The following CREB5 variants were observed in gnomAD, a reference collection of about 807,000 sequenced individuals.
The protein encoded by CREB5 is cAMP responsive element binding protein 5.
In CREB5, 19 loss-of-function variants were observed where a neutral mutation model predicts 57.1. The observed-to-expected ratio is 0.33, with a 90% CI of 0.23 to 0.49. CREB5 has a LOEUF of 0.49. CREB5 is among the 20% of genes least tolerant of loss of function. The pLI is 0.99. For missense variants in CREB5, 579 were observed against 671.6 expected (o/e 0.86, Z 1.52); for synonymous variants, 238 against 238.3 (o/e 1.00, Z 0.01).
At chr7:28,704,557 C>T (rs894295199) in intron 5 of CREB5, among the ~76,000 whole-genome samples, 2 of 152,022 alleles carry the variant, frequency 1.3e-5, no homozygotes, top group East Asian at 1.9e-4. Flanking sequence ...CTCCTGGGCT[C>T]AAGTGATCCT....
At chr7:28,413,686 A>G (rs2128004453) in intron 1 of CREB5, among the ~76,000 whole-genome samples, 1 of 152,280 alleles carries the variant, frequency 6.6e-6, no homozygotes, top group Middle Eastern at 3.4e-3. Context: ...GTTTATTAGA[A>G]CATTCCAACA....
intron 1 of CREB5, among the ~76,000 whole-genome samples, chr7:28,330,400 A>AC (rs202134219): frequency 0.037 from 2,384 of 64,718 alleles, 86 homozygotes; most frequent in African/African-American, 0.13. Flanking sequence ...AGAGAACCTT[A>AC]CTTTTTTTTT....
At chr7:28,390,288 A>G (rs924878332) in intron 1 of CREB5, among the ~76,000 whole-genome samples, 1 of 152,194 alleles carries the variant, frequency 6.6e-6, no homozygotes, top group Non-Finnish European at 1.5e-5. Context: ...TCATGTAGAT[A>G]GTGTTTTATT....
At chr7:28,526,740 C>T (rs1445010652) in intron 4 of CREB5, among the ~76,000 whole-genome samples, 1 of 152,216 alleles carries the variant, frequency 6.6e-6, no homozygotes, top group Non-Finnish European at 1.5e-5. Context: ...GCCGACTGTG[C>T]ACAAAAGAGG....
At chr7:28,513,984 A>C (rs528510950) in intron 4 of CREB5, 1 of 152,272 alleles carries the variant, frequency 6.6e-6, no homozygotes, top group South Asian at 2.1e-4. Flanking sequence ...TGTCTTGCAA[A>C]GAGTGGACAC....
chr7:28,599,034 A>G (rs1796806456), intron 5 of CREB5, among the ~76,000 whole-genome samples: 1 of 152,166 alleles, frequency 6.6e-6, no homozygotes, highest in Admixed American at 6.5e-5. Flanking sequence ...GATTTCAGCA[A>G]AAAAATGTTC....
At chr7:28,790,457 AG>A (rs1562642986) in intron 7 of CREB5, among the ~76,000 whole-genome samples, 6 of 35,762 alleles carry the variant, frequency 1.7e-4, no homozygotes, top group African/African-American at 2.8e-4. Flanking sequence ...AGAGAGAGAG[AG>A]AGATAGAGAG....
intron 5 of CREB5, among the ~76,000 whole-genome samples, chr7:28,700,765 G>A (rs541507250): frequency 1.3e-5 from 2 of 151,826 alleles, no homozygotes; most frequent in African/African-American, 4.8e-5. Context: ...ATTTCCTTTC[G>A]ATAAAAATAG....
chr7:28,520,053 T>C (rs575742246), intron 4 of CREB5, among the ~76,000 whole-genome samples: 1 of 152,342 alleles, frequency 6.6e-6, no homozygotes, highest in African/African-American at 2.4e-5. Context: ...CTTTGGTGTG[T>C]GCTAGGAATG....
intron 5 of CREB5, among the ~76,000 whole-genome samples, chr7:28,613,699 C>T (rs1251920225): frequency 2.4e-4 from 36 of 152,114 alleles, no homozygotes; most frequent in Admixed American, 2.2e-3. Flanking sequence ...GACCAGATCT[C>T]GCCAACAAAC....
chr7:28,725,784 C>T (rs1291732573), intron 7 of CREB5, among the ~76,000 whole-genome samples: 3 of 152,022 alleles, frequency 2.0e-5, no homozygotes, highest in African/African-American at 7.2e-5. Context: ...TGAGATGTTA[C>T]TCCCTGTGGT....
intron 4 of CREB5, among the ~76,000 whole-genome samples, chr7:28,557,564 A>C (rs577120357): frequency 6.6e-6 from 1 of 152,328 alleles, no homozygotes; most frequent in South Asian, 2.1e-4. Flanking sequence ...GGAGGATGTC[A>C]TGAATGGGAA....
intron 1 of CREB5, among the ~76,000 whole-genome samples, chr7:28,312,687 G>A (rs1234329316): frequency 6.6e-6 from 1 of 152,184 alleles, no homozygotes; most frequent in Non-Finnish European, 1.5e-5. Context: ...TAATTAACGT[G>A]AAAGTGCCTG....
intron 1 of CREB5, among the ~76,000 whole-genome samples, chr7:28,454,520 T>G (rs949064565): frequency 3.3e-5 from 5 of 152,186 alleles, no homozygotes; most frequent in African/African-American, 1.2e-4. Flanking sequence ...CTCATCCATG[T>G]TCGCCAGATT....
chr7:28,488,334 G>C (rs1447612442), intron 2 of CREB5, 88 bp downstream of exon 2: 1 of 1,201,338 alleles, frequency 8.3e-7, no homozygotes, highest in Non-Finnish European at 1.2e-6. Flanking sequence ...TGCCTGCCCT[G>C]GGCTTTCCTT....
intron 1 of CREB5, among the ~76,000 whole-genome samples, chr7:28,396,217 C>T (rs1359217293): frequency 6.6e-6 from 1 of 152,108 alleles, no homozygotes; most frequent in Non-Finnish European, 1.5e-5. Flanking sequence ...TCAGAAGATA[C>T]AAAGGCTTAG....
In CREB5 at chr7:28,312,567, G is replaced by T. The variant is rs572426884; in HGVS notation, c.-25+13126G>T. Among the ~76,000 whole-genome samples, 19 of 152,242 alleles carry T rather than the reference G, an allele frequency of 1.2e-4. No homozygotes were observed. In the East Asian group the frequency reaches 3.7e-3, roughly 29 times the overall value. On this transcript the variant is annotated intron_variant, in intron 1 of 9. Transcript: ENST00000396299. ...TGGGTGCTGAGTCTGGCATTTACTG[G>T]CTCTGTGAACTTGGACAAGTCACTC...
At chr7:28,665,606 G>C (rs1333522526) in intron 5 of CREB5, among the ~76,000 whole-genome samples, 1 of 152,158 alleles carries the variant, frequency 6.6e-6, no homozygotes, top group Non-Finnish European at 1.5e-5. Context: ...AGACAAGCAA[G>C]ATTATCCATT....
At chr7:28,483,624 C>T (rs549809969) in intron 1 of CREB5, among the ~76,000 whole-genome samples, 1 of 152,070 alleles carries the variant, frequency 6.6e-6, no homozygotes, top group East Asian at 1.9e-4. Flanking sequence ...AGTGTCTAAC[C>T]AAAGGTATCG....
Sources: allele counts gnomAD v4.1 joint callset (sites outside exome capture counted in the v4.1 genomes callset), GRCh38; gene constraint gnomAD v4.1.1; transcripts MANE v1.5; gene names NCBI Gene and HGNC (gene_info 2026-07-23, HGNC 2026-07-21).